DLGAP1: variants seen among roughly 807,000 people sequenced by gnomAD.
DLGAP1 encodes the protein disks large-associated protein 1.
DLGAP1 carries 11 observed loss-of-function variants against 90.8 expected under a neutral mutation model. That is an observed-to-expected ratio of 0.12 (90% CI 0.08 to 0.20). The LOEUF is 0.20. Among genes scored for constraint, DLGAP1 ranks in the 10% least tolerant of loss-of-function variants. The pLI is 1.00. For missense variants in DLGAP1, 1,050 were observed against 1,333.8 expected, an observed-to-expected ratio of 0.79 and a Z score of 3.31; for synonymous variants, 558 against 540.7, an observed-to-expected ratio of 1.03 and a Z score of -0.44.
At chr18:3,935,382 TAC>T (rs2148936732) in intron 3 of DLGAP1, among the ~76,000 whole-genome samples, 1 of 152,352 alleles carries the variant, frequency 6.6e-6, no homozygotes, top group South Asian at 2.1e-4. Flanking sequence ...TTGAATAGTC[TAC>T]ACCAGAAAAA....
intron 3 of DLGAP1, among the ~76,000 whole-genome samples, chr18:3,993,989 G>T (rs574110124): frequency 1.3e-5 from 2 of 152,156 alleles, no homozygotes; most frequent in Non-Finnish European, 2.9e-5. Context: ...TTTTGGTTTG[G>T]TAAGAATGTG....
In DLGAP1 at chr18:4,274,336, A is replaced by G. The variant is rs140891233; in HGVS notation, c.-266-123049T>C. On this transcript the variant is annotated intron_variant, in intron 1 of 12. Transcript: ENST00000315677. ...TGAGTTTCCCCAATTTTTTCCTGCT[A>G]TTGATTTCTAATTTCATTCCATTTT... Among the ~76,000 whole-genome samples the G allele has an allele frequency of 2.7e-3, 408 of 152,010 alleles. 1 individual carries two copies. The highest frequency in any genetic ancestry group is 3.8e-3 in the Non-Finnish European group (259 of 67,968).
intron 4 of DLGAP1, among the ~76,000 whole-genome samples, chr18:3,851,852 G>A (rs962970221): frequency 6.6e-6 from 1 of 152,128 alleles, no homozygotes; most frequent in Non-Finnish European, 1.5e-5. Context: ...AAGCAGAGTT[G>A]TAAGAACTCA....
At chr18:4,159,538 A>G (rs553213906) in intron 1 of DLGAP1, among the ~76,000 whole-genome samples, 1 of 152,044 alleles carries the variant, frequency 6.6e-6, no homozygotes, top group East Asian at 1.9e-4. Flanking sequence ...CTCTTTTCCT[A>G]TTTATCTGTT....
At chr18:4,261,520 A>G (rs2079002029) in intron 1 of DLGAP1, among the ~76,000 whole-genome samples, 1 of 151,896 alleles carries the variant, frequency 6.6e-6, no homozygotes, top group South Asian at 2.1e-4. Flanking sequence ...CATGTTTAAG[A>G]CTCAGCTCAA....
chr18:4,016,786 G>C (rs768098665), intron 2 of DLGAP1, among the ~76,000 whole-genome samples: 1 of 152,180 alleles, frequency 6.6e-6, no homozygotes, highest in Non-Finnish European at 1.5e-5. Context: ...CAGGGCTCCT[G>C]AGCTCAGTTC....
At chr18:3,766,897 C>T (rs979180917) in intron 5 of DLGAP1, among the ~76,000 whole-genome samples, 4 of 151,858 alleles carry the variant, frequency 2.6e-5, no homozygotes, top group Admixed American at 6.6e-5. Context: ...TAAGCTTTTC[C>T]TCATGAACCT....
chr18:3,802,731 C>T (rs554088336), intron 5 of DLGAP1, among the ~76,000 whole-genome samples: 1 of 152,268 alleles, frequency 6.6e-6, no homozygotes, highest in South Asian at 2.1e-4. Context: ...CGTATATGTG[C>T]AGTGGAGACA....
In DLGAP1 at chr18:3,968,472, TA is replaced by T. The variant is rs925983329; in HGVS notation, c.-73+36643del. On this transcript the variant is annotated intron_variant, in intron 3 of 12. Coordinates refer to ENST00000315677, the MANE Select transcript of DLGAP1 (RefSeq NM_004746.4). ...GAATAAAATGGCTAACTATACACCT[TA>T]AAAAAAACTTGAAAACACAGAAAGT... is the stretch of plus-strand genomic sequence containing the variant. Among the ~76,000 whole-genome samples the T allele has an allele frequency of 2.3e-4, 35 of 152,108 alleles. 1 individual carries two copies. Among genetic ancestry groups the T allele is most frequent in the Admixed American group, 1.5e-3 (23 of 15,270 alleles).
chr18:4,181,254 C>G (rs1359388037), intron 1 of DLGAP1, among the ~76,000 whole-genome samples: 1 of 152,094 alleles, frequency 6.6e-6, no homozygotes, highest in African/African-American at 2.4e-5. Flanking sequence ...CATTTCTTGG[C>G]AGAGTTACAC....
chr18:3,852,904 T>C (rs891702822), intron 4 of DLGAP1, among the ~76,000 whole-genome samples: 2 of 152,184 alleles, frequency 1.3e-5, no homozygotes, highest in Admixed American at 6.5e-5. Context: ...TTAAGTTTAT[T>C]AAGAATTTTT....
At chr18:4,166,416 C>T (rs1168738214) in intron 1 of DLGAP1, among the ~76,000 whole-genome samples, 1 of 152,088 alleles carries the variant, frequency 6.6e-6, no homozygotes, top group African/African-American at 2.4e-5. Context: ...AACCTTTGTG[C>T]ATTGCTGGTG....
At chr18:4,028,863 C>T (rs1315464094) in intron 2 of DLGAP1, among the ~76,000 whole-genome samples, 1 of 152,024 alleles carries the variant, frequency 6.6e-6, no homozygotes, top group Non-Finnish European at 1.5e-5. Flanking sequence ...GCCATCTAAC[C>T]CTTTGTTTTT....
In DLGAP1 at chr18:3,952,049, G is replaced by GA. The variant is rs1276764483; in HGVS notation, c.-73+53066dup. Among the ~76,000 whole-genome samples the GA allele has an allele frequency of 9.9e-5, 15 of 152,280 alleles. No individual in the cohort carries two copies. The South Asian group carries it at 2.7e-3, about 27-fold the overall frequency. On this transcript the variant is annotated intron_variant, in intron 3 of 12. Transcript: ENST00000315677. ...ATTTTATGGAAAACACAGGATGGTA[G>GA]AAAAACGTAGAGAAATTTCTATAAT...
intron 7 of DLGAP1, among the ~76,000 whole-genome samples, chr18:3,621,999 G>A (rs2058110482): frequency 6.6e-6 from 1 of 152,026 alleles, no homozygotes; most frequent in African/African-American, 2.4e-5. Context: ...AAGTGACCTG[G>A]GCTGCTGCTT....
chr18:3,734,251 TTC>T (rs746959031), intron 6 of DLGAP1, among the ~76,000 whole-genome samples: 9 of 150,436 alleles, frequency 6.0e-5, no homozygotes, highest in Admixed American at 6.6e-5. Context: ...CTCTCTCTCT[TTC>T]TCTCTCTCTC....
rs1041128516 is a variant in DLGAP1 at position 3,581,765 on chromosome 18, T to G, written c.1965+110A>C. 7 of 1,429,814 alleles carry G rather than the reference T, an allele frequency of 4.9e-6. No homozygotes were observed. In the African/African-American group the frequency reaches 9.9e-5, roughly 20 times the overall value. The allele number at this position is 1,429,814 out of a possible 1,614,324, so 88.6% of individuals were successfully genotyped here. On this transcript the variant is annotated intron_variant, in intron 8 of 12. Coordinates refer to ENST00000315677, the MANE Select transcript of DLGAP1 (RefSeq NM_004746.4). Reference sequence around the variant, plus strand: ...TCACTTGAAAATCTGGTCCTATGCATAGATCTATGATTCCAAGCGGCAAGA... The same window carrying G: ...TCACTTGAAAATCTGGTCCTATGCAGAGATCTATGATTCCAAGCGGCAAGA...
At chr18:4,140,598 T>C (rs2076479839) in intron 2 of DLGAP1, among the ~76,000 whole-genome samples, 1 of 151,960 alleles carries the variant, frequency 6.6e-6, no homozygotes, top group South Asian at 2.1e-4. Flanking sequence ...TGTTGTAATA[T>C]TCTGTGTTTT....
chr18:3,879,922 C>T lies in DLGAP1; in HGVS notation c.147G>A (p.Gln49=), dbSNP rs1242075505. 20 of 1,612,870 alleles carry T rather than the reference C, an allele frequency of 1.2e-5. No individual in the cohort carries two copies. Among genetic ancestry groups the T allele is most frequent in the Non-Finnish European group, 1.7e-5 (20 of 1,179,938 alleles). ...HHPADHPYYT[Q]RNSFQAECVG... is the part of the protein sequence containing the mutation. Reference sequence around the variant, plus strand: ...CGCACTCAGCCTGGAAGGAGTTCCGCTGGGTGTAGTATGGGTGGTCTGCGG... The same window carrying T: ...CGCACTCAGCCTGGAAGGAGTTCCGTTGGGTGTAGTATGGGTGGTCTGCGG... Residue 49 remains glutamine (Q), a synonymous_variant, in exon 4 of 13, where the codon CAG becomes CAA. Coordinates refer to ENST00000315677, the MANE Select transcript of DLGAP1 (RefSeq NM_004746.4). The surrounding 1 kb of genome is among the most constrained non-coding windows in gnomAD (Gnocchi z 6.6).
Sources: allele counts gnomAD v4.1 joint callset (sites outside exome capture counted in the v4.1 genomes callset), GRCh38; gene constraint gnomAD v4.1.1; non-coding constraint Gnocchi (gnomAD v3.1); transcripts MANE v1.5; gene names NCBI Gene and HGNC (gene_info 2026-07-23, HGNC 2026-07-21).